The following DNHD1 variants were observed in gnomAD, a reference collection of about 807,000 sequenced individuals.
DNHD1 encodes the protein dynein heavy chain domain 1.
Under a neutral mutation model 458.1 loss-of-function variants are expected in DNHD1, and 383 were observed. That is an observed-to-expected ratio of 0.84 (90% CI 0.77 to 0.91). The LOEUF (loss-of-function observed/expected upper bound fraction) is 0.91. DNHD1 is among the 40% of genes least tolerant of loss of function. The pLI is 0.00. For missense variants in DNHD1, 5,336 were observed against 5,866.1 expected, an observed-to-expected ratio of 0.91 and a Z score of 2.95; for synonymous variants, 2,203 against 2,376.9, an observed-to-expected ratio of 0.93 and a Z score of 2.13.
intron 4 of DNHD1, among the ~76,000 whole-genome samples, chr11:6,507,462 T>G (rs1852251352): frequency 6.6e-6 from 1 of 152,238 alleles, no homozygotes; most frequent in African/African-American, 2.4e-5. Context: ...AAGCATTTAT[T>G]TTTATTTTTC....
intron 4 of DNHD1, among the ~76,000 whole-genome samples, chr11:6,507,930 A>G (rs1274486670): frequency 2.6e-5 from 4 of 152,330 alleles, no homozygotes; most frequent in Non-Finnish European, 4.4e-5. Context: ...TCTGGTATCT[A>G]TCTAAAAGTT....
intron 24 of DNHD1, among the ~76,000 whole-genome samples, chr11:6,554,666 G>C (rs1279661327): frequency 6.6e-6 from 1 of 151,926 alleles, no homozygotes; most frequent in Non-Finnish European, 1.5e-5. Context: ...GTGGGCAACA[G>C]TATACAAAAA....
chr11:6,567,868 C>T lies in DNHD1; in HGVS notation c.12351+8C>T. Reference sequence around the variant, plus strand: ...GCTGCCAAGTATCAGCAGGTTTGAACCTAGTTTCTTGGCCACAGAGTGACC... The same window carrying T: ...GCTGCCAAGTATCAGCAGGTTTGAATCTAGTTTCTTGGCCACAGAGTGACC... On this transcript the variant is annotated splice_region_variant and intron_variant, in intron 36 of 42. Transcript: ENST00000254579. 6.2e-7 allele frequency: 1 copy of T among 1,605,708 alleles called. No homozygotes were observed.
At chr11:6,519,449 G>A in intron 7 of DNHD1, 151 bp from the exon 8 acceptor site, 1 of 796,266 alleles carries the variant, frequency 1.3e-6, no homozygotes, top group Non-Finnish European at 2.0e-6. Context: ...GAGGGGGTGG[G>A]GTAGGGTAAA....
chr11:6,515,610 C>CT (rs71470013), intron 7 of DNHD1, among the ~76,000 whole-genome samples: 123 of 148,258 alleles, frequency 8.3e-4, no homozygotes, highest in East Asian at 5.5e-3. Context: ...CTCTTTTCTG[C>CT]TTTTTTTTTT....
rs1259734562 is a variant in DNHD1 at position 6,556,671 on chromosome 11, C to T, written c.7388-12C>T. ...TTTACATGTCCTCATTATTATTCCTCATGTCCCATAGACCCAGAGAAGAGC... is the reference window on the plus strand; with the variant it reads ...TTTACATGTCCTCATTATTATTCCTTATGTCCCATAGACCCAGAGAAGAGC... On this transcript the variant is annotated splice_polypyrimidine_tract_variant and intron_variant, in intron 24 of 42. Coordinates refer to ENST00000254579, the MANE Select transcript of DNHD1 (RefSeq NM_144666.3). The T allele has an allele frequency of 6.5e-7, 1 of 1,529,382 alleles. No individual in the cohort carries two copies. The highest frequency in any genetic ancestry group is 8.8e-7 in the Non-Finnish European group (1 of 1,132,168). The allele number at this position is 1,529,382 out of a possible 1,614,324, so 94.7% of individuals were successfully genotyped here.
At chr11:6,530,678 C>G (rs908319460) in intron 12 of DNHD1, among the ~76,000 whole-genome samples, 2 of 152,158 alleles carry the variant, frequency 1.3e-5, no homozygotes, top group African/African-American at 2.4e-5. Context: ...TGTCTTGGCT[C>G]TCAACAGATG....
At chr11:6,564,829 G>A (rs1853663207) in intron 32 of DNHD1, 25 bp downstream of exon 32, 27 of 1,469,396 alleles carry the variant, frequency 1.8e-5, no homozygotes, top group Non-Finnish European at 2.1e-5. Context: ...TAAATGCAAT[G>A]CTTCCGGAGT....
chr11:6,570,746 G>T lies in DNHD1; in HGVS notation c.13234G>T (p.Ala4412Ser), dbSNP rs374444054. 2 of 1,611,516 alleles carry T rather than the reference G, an allele frequency of 1.2e-6. No individual in the cohort carries two copies. Among genetic ancestry groups the T allele is most frequent in the Non-Finnish European group, 1.7e-6 (2 of 1,178,946 alleles). ...QAWLLRRQSRALLSALQRSSP... is the reference protein window; with the variant it reads ...QAWLLRRQSRSLLSALQRSSP... ...CTGGCTGTTGCGACGCCAGAGTCGCGCTCTCTTGAGTGCGCTGCAGCGGAG... is the reference window on the plus strand; with the variant it reads ...CTGGCTGTTGCGACGCCAGAGTCGCTCTCTCTTGAGTGCGCTGCAGCGGAG... Residue 4412 changes from alanine to serine, a missense_variant, in exon 42 of 43, where the codon GCT becomes TCT. By Grantham distance (99) the Ala-to-Ser change is moderately conservative. Coordinates refer to ENST00000254579, the MANE Select transcript of DNHD1 (RefSeq NM_144666.3).
chr11:6,512,257 G>C (rs1852354088), intron 7 of DNHD1, among the ~76,000 whole-genome samples: 1 of 108,184 alleles, frequency 9.2e-6, no homozygotes, highest in South Asian at 3.1e-4. Flanking sequence ...GTCTCGCTCT[G>C]TCACCCAGGC....
chr11:6,563,238 T>TG (rs1853622925), intron 29 of DNHD1, 107 bp downstream of exon 29: 1 of 1,528,512 alleles, frequency 6.5e-7, no homozygotes, highest in South Asian at 1.2e-5. Flanking sequence ...TGGAATCTCC[T>TG]GGGGGGAGGG....
In DNHD1 at chr11:6,518,753, C is replaced by G. The variant is rs971122549; in HGVS notation, c.1393-847C>G. Among the ~76,000 whole-genome samples the G allele has an allele frequency of 2.0e-5, 3 of 152,144 alleles. No individual in the cohort carries two copies. In the East Asian group the frequency reaches 5.8e-4, roughly 29 times the overall value. On this transcript the variant is annotated intron_variant, in intron 7 of 42. Coordinates refer to ENST00000254579, the MANE Select transcript of DNHD1 (RefSeq NM_144666.3). ...CATGGAAGAAAACATCTCACTTAGT[C>G]TCATATACAAAATCATCTTATGCAT...
Position 6,571,992 on chromosome 11 carries a change from T to C in DNHD1, c.*6T>C. 1.3e-6 allele frequency: 2 copies of C among 1,590,508 alleles called. No individual in the cohort carries two copies. Among genetic ancestry groups the C allele is most frequent in the Non-Finnish European group, 1.7e-6 (2 of 1,164,416 alleles). ...GCAGCCCACCCCTGTCTTGAGCCCGTCTACCAAAATAAAGTTGTAGTGATT... is the reference window on the plus strand; with the variant it reads ...GCAGCCCACCCCTGTCTTGAGCCCGCCTACCAAAATAAAGTTGTAGTGATT... On this transcript the variant is annotated 3_prime_UTR_variant, in exon 43 of 43. Transcript: ENST00000254579. This position sits in a 1 kb window ranked among gnomAD's most constrained non-coding sequence, Gnocchi z 5.0.
chr11:6,523,603 T>C (rs1419734694), intron 10 of DNHD1, among the ~76,000 whole-genome samples: 2 of 152,202 alleles, frequency 1.3e-5, no homozygotes, highest in Non-Finnish European at 2.9e-5. Flanking sequence ...CTCATATGTA[T>C]TATATCAATA....
chr11:6,555,634 AAC>A (rs1853445718), intron 24 of DNHD1, among the ~76,000 whole-genome samples: 1 of 152,220 alleles, frequency 6.6e-6, no homozygotes, highest in African/African-American at 2.4e-5. Context: ...AAACTAAGGA[AAC>A]ACGCAAAAAC....
rs184913239 is a variant in DNHD1, at chr11:6,539,921, C to A, written c.3466C>A (p.Arg1156=). 2 of 1,551,600 alleles carry A rather than the reference C, an allele frequency of 1.3e-6. No homozygotes were observed. The highest frequency in any genetic ancestry group is 1.7e-6 in the Non-Finnish European group (2 of 1,146,988). ...ACGAATTCATGCCCAAGAGACTATA[C>A]GGCGGTTGCAGCGGTACTGGGAAGC... ...NERIHAQETI[R]RLQRYWEARQ... The change falls in exon 18 of 43, where the codon CGG becomes AGG. Residue 1156 remains arginine (R), a synonymous_variant. Coordinates refer to ENST00000254579, the MANE Select transcript of DNHD1 (RefSeq NM_144666.3).
intron 39 of DNHD1, among the ~76,000 whole-genome samples, chr11:6,569,209 G>A (rs1229078211): frequency 6.6e-6 from 1 of 151,938 alleles, no homozygotes; most frequent in Non-Finnish European, 1.5e-5. Context: ...GGTAGGCCAG[G>A]TACAGTGGCT....
In DNHD1 at chr11:6,565,881, A is replaced by C. The variant is rs1267805045; in HGVS notation, c.10943A>C (p.Gln3648Pro). Reference protein sequence around the residue: ...EEKEEEKTESQGSKPAYETQL... With the variant: ...EEKEEEKTESPGSKPAYETQL... The stretch of plus-strand genomic sequence containing the variant: ...AAAGAGGAGGAGAAGACAGAGAGCC[A>C]GGGGTCAAAGCCAGCCTATGAGACT... The change falls in exon 33 of 43, where the codon CAG (glutamine) becomes CCG (proline). Residue 3648 changes from glutamine to proline, a missense_variant. Around this residue, in one of 4 missense-constraint regions of DNHD1, gnomAD observed 695 missense variants for 804.2 expected, o/e 0.86. Transcript: ENST00000254579. 6.4e-7 allele frequency: 1 copy of C among 1,551,708 alleles called. No individual in the cohort carries two copies.
intron 10 of DNHD1, chr11:6,520,618 G>A (rs954551502): frequency 1.3e-4 from 152 of 1,142,050 alleles, no homozygotes; most frequent in Non-Finnish European, 1.6e-4. Flanking sequence ...ATTTACTACT[G>A]AATTTTATTG....
Sources: allele counts gnomAD v4.1 joint callset (sites outside exome capture counted in the v4.1 genomes callset), GRCh38; gene constraint gnomAD v4.1.1; regional missense constraint gnomAD v4.1.1; non-coding constraint Gnocchi (gnomAD v3.1); transcripts MANE v1.5; gene names NCBI Gene and HGNC (gene_info 2026-07-23, HGNC 2026-07-21).